Variants in PLXNA1 observed in about 807,000 individuals in gnomAD.
PLXNA1 encodes plexin-A1.
In PLXNA1, 77 loss-of-function variants were observed where a neutral mutation model predicts 191.7. That is an observed-to-expected ratio of 0.40 (90% CI 0.33 to 0.49). The LOEUF (loss-of-function observed/expected upper bound fraction) is 0.49, where lower values mean the gene tolerates loss of function less well. Ranked by LOEUF, PLXNA1 falls within the 20% of genes least tolerant of loss-of-function variation. The pLI is 0.63. For synonymous variants in PLXNA1, 1,137 were observed against 1,156.4 expected, an observed-to-expected ratio of 0.98 and a Z score of 0.34; for missense variants, 2,110 against 2,660.2, an observed-to-expected ratio of 0.79 and a Z score of 4.55.
Position 127,015,303 on chromosome 3 carries a change from G to T in PLXNA1, c.2997G>T (p.Arg999=). The part of the protein sequence containing the change: ...GSDVAVSVGG[R]PCSFSWRNSR... The stretch of plus-strand genomic sequence containing the variant: ...ATGTGGCTGTGTCGGTCGGTGGCCG[G>T]CCCTGCTCCTTCTCCTGGTACGGGG... Residue 999 remains arginine, a synonymous_variant, in exon 15 of 32, where the codon CGG becomes CGT. Transcript: ENST00000393409. 6.2e-7 allele frequency: 1 copy of T among 1,604,764 alleles called. No homozygotes were observed.
intron 3 of PLXNA1, among the ~76,000 whole-genome samples, chr3:127,001,927 G>A (rs563254750): frequency 5.5e-4 from 84 of 152,362 alleles, no homozygotes; most frequent in South Asian, 2.3e-3. Flanking sequence ...CTGACCCAGA[G>A]CAAAGCAGGG....
At position 127,014,093 on chromosome 3, in the gene PLXNA1, T is replaced by C. The variant is rs750365934; in HGVS notation, c.2387T>C (p.Ile796Thr). Residue 796 changes from isoleucine (I) to threonine (T), a missense_variant, in exon 11 of 32, where the codon ATT becomes ACT. By Grantham distance (89) the Ile-to-Thr change is moderately conservative. Transcript: ENST00000393409. The stretch of plus-strand genomic sequence containing the variant: ...GTCGTGTGGAACGGCAACTTTGTCA[T>C]TGACAACCCACAGAACATCCAGGGT... ...LSVVWNGNFV[I>T]DNPQNIQAHL... 2.5e-6 allele frequency: 4 copies of C among 1,613,900 alleles called. No individual in the cohort carries two copies. Among genetic ancestry groups the C allele is most frequent in the Non-Finnish European group, 2.5e-6 (3 of 1,179,948 alleles).
chr3:127,007,872 G>T lies in PLXNA1; in HGVS notation c.2071G>T (p.Ala691Ser). The change falls in exon 9 of 32, where the codon GCT becomes TCT. Residue 691 changes from alanine to serine, a missense_variant. Physicochemically the swap from Ala to Ser is moderately conservative, Grantham distance 99. Coordinates refer to ENST00000393409, the MANE Select transcript of PLXNA1 (RefSeq NM_032242.4). ...KYRHVCTHNV[A>S]DCAFLEGRVN... is the part of the protein sequence containing the mutation. ...CCGCCACGTGTGCACACACAACGTGGCTGACTGCGCCTTCCTGGAGGGCCG... is the reference window on the plus strand; with the variant it reads ...CCGCCACGTGTGCACACACAACGTGTCTGACTGCGCCTTCCTGGAGGGCCG... 6.2e-7 allele frequency: 1 copy of T among 1,612,406 alleles called. No homozygotes were observed. Among genetic ancestry groups the T allele is most frequent in the Non-Finnish European group, 8.5e-7 (1 of 1,179,182 alleles).
At chr3:127,015,383 G>A in intron 15 of PLXNA1, 63 bp downstream of exon 15, 1 of 1,549,904 alleles carries the variant, frequency 6.5e-7, no homozygotes, top group Non-Finnish European at 8.7e-7. Flanking sequence ...ATGGTTGCAT[G>A]CCCCTTCTTG....
chr3:127,016,216 G>T (rs778242918), intron 15 of PLXNA1, among the ~76,000 whole-genome samples: 43 of 152,014 alleles, frequency 2.8e-4, no homozygotes, highest in Non-Finnish European at 5.9e-4. Context: ...CCTGGCCAGG[G>T]TCACCAGGAG....
intron 10 of PLXNA1, among the ~76,000 whole-genome samples, chr3:127,013,419 C>G (rs1294465395): frequency 6.6e-6 from 1 of 152,236 alleles, no homozygotes; most frequent in African/African-American, 2.4e-5. Context: ...CCTGCACCGT[C>G]CCAGCACGGG....
At chr3:127,010,551 G>A (rs1242411755) in intron 9 of PLXNA1, among the ~76,000 whole-genome samples, 1 of 152,230 alleles carries the variant, frequency 6.6e-6, no homozygotes, top group African/African-American at 2.4e-5. Flanking sequence ...ACCTGGCAGA[G>A]GGCAGGGGTG....
At chr3:127,022,694 C>G in intron 22 of PLXNA1, 58 bp from the exon 23 acceptor site, 1 of 1,481,740 alleles carries the variant, frequency 6.7e-7, no homozygotes, top group Non-Finnish European at 9.4e-7. Context: ...CTGCAGGGGC[C>G]CTGTGCCTGC....
chr3:126,997,856 A>G (rs1030351281), intron 3 of PLXNA1, among the ~76,000 whole-genome samples: 8 of 152,208 alleles, frequency 5.3e-5, no homozygotes, highest in Non-Finnish European at 1.2e-4. Context: ...CGGGCCCGTC[A>G]ACACCATTGA....
chr3:127,019,385 C>G (rs1270456188), intron 20 of PLXNA1, among the ~76,000 whole-genome samples: 1 of 152,188 alleles, frequency 6.6e-6, no homozygotes, highest in African/African-American at 2.4e-5. Flanking sequence ...TCTTGGGCAG[C>G]CCTGGTGGGA....
rs935001590 is a variant in PLXNA1 at position 127,016,408 on chromosome 3, C to T, written c.3015-109C>T. ...GGTGATAGTATGCAGCCACCCAAGG[C>T]AGTACCTGTGACAGATGGCGCTGTT... is the stretch of plus-strand genomic sequence containing the variant. On this transcript the variant is annotated intron_variant, in intron 15 of 31. Coordinates refer to ENST00000393409, the MANE Select transcript of PLXNA1 (RefSeq NM_032242.4). 1.1e-4 allele frequency: 99 copies of T among 931,866 alleles called. 1 individual carries two copies. Among genetic ancestry groups the T allele is most frequent in the Non-Finnish European group, 1.5e-4 (88 of 594,350 alleles). The allele number at this position is 931,866 out of a possible 1,614,324, so 57.7% of individuals were successfully genotyped here. A position where few individuals can be genotyped will look rare whatever the true frequency, so the allele number is the denominator to read the frequency against.
chr3:126,988,289 C>T (rs535688730), intron 1 of PLXNA1, among the ~76,000 whole-genome samples: 4 of 152,332 alleles, frequency 2.6e-5, no homozygotes, highest in Admixed American at 6.5e-5. Context: ...CAGGTGCCAA[C>T]GGAGTGACCT....
At chr3:127,003,587 G>C in intron 4 of PLXNA1, 117 bp downstream of exon 4, 2 of 1,212,186 alleles carry the variant, frequency 1.6e-6, no homozygotes, top group Non-Finnish European at 2.2e-6. Context: ...CATGGCTCCT[G>C]GTAAAAGTAG....
chr3:127,022,942 C>G (rs2079159019), intron 23 of PLXNA1, 124 bp downstream of exon 23: 2 of 874,190 alleles, frequency 2.3e-6, no homozygotes, highest in Non-Finnish European at 3.7e-6. Flanking sequence ...TGGTCGAGTT[C>G]TGGCTTGGGC....
intron 23 of PLXNA1, among the ~76,000 whole-genome samples, chr3:127,023,770 G>A (rs1440343371): frequency 2.6e-5 from 4 of 152,156 alleles, no homozygotes; most frequent in Admixed American, 6.5e-5. Flanking sequence ...GACACTGGAC[G>A]GGAAATACAG....
rs1432163450 is a variant in PLXNA1, at chr3:127,016,393, T to C, written c.3015-124T>C. 7 of 811,810 alleles carry C rather than the reference T, an allele frequency of 8.6e-6. No individual in the cohort carries two copies. In the Admixed American group the frequency reaches 1.4e-4, roughly 17 times the overall value. The allele number at this position is 811,810 out of a possible 1,614,324, so 50.3% of individuals were successfully genotyped here. On this transcript the variant is annotated intron_variant, in intron 15 of 31. Coordinates refer to ENST00000393409, the MANE Select transcript of PLXNA1 (RefSeq NM_032242.4). Reference sequence around the variant, plus strand: ...GGGAGGGAAAGTAGCGGTGATAGTATGCAGCCACCCAAGGCAGTACCTGTG... The same window carrying C: ...GGGAGGGAAAGTAGCGGTGATAGTACGCAGCCACCCAAGGCAGTACCTGTG...
At chr3:127,002,739 G>C (rs2079046959) in intron 3 of PLXNA1, among the ~76,000 whole-genome samples, 1 of 152,246 alleles carries the variant, frequency 6.6e-6, no homozygotes, top group African/African-American at 2.4e-5. Flanking sequence ...AGCATCGTGA[G>C]CTGCGGAGAA....
At chr3:127,025,166 C>T (rs565478736) in intron 23 of PLXNA1, among the ~76,000 whole-genome samples, 38 of 152,214 alleles carry the variant, frequency 2.5e-4, no homozygotes, top group African/African-American at 6.5e-4. Flanking sequence ...ATGTATCCAC[C>T]GTTATAGTGT....
At position 127,014,597 on chromosome 3, in the gene PLXNA1, C is replaced by G. The variant is rs776684210; in HGVS notation, c.2724C>G (p.Ser908Arg). The change falls in exon 13 of 32, where the codon AGC becomes AGG. Residue 908 changes from serine (S) to arginine (R), a missense_variant. Physicochemically the swap from Ser to Arg is moderately radical, Grantham distance 110 (BLOSUM62 -1). Transcript: ENST00000393409. ...LGVRVGKVLC[S>R]PVESEYISAE... is the part of the protein sequence containing the mutation. Reference sequence around the variant, plus strand: ...TGCGCGTGGGCAAGGTGCTGTGCAGCCCTGTGGAGAGCGAGTACATCAGTG... The same window carrying G: ...TGCGCGTGGGCAAGGTGCTGTGCAGGCCTGTGGAGAGCGAGTACATCAGTG... The G allele has an allele frequency of 3.1e-6, 5 of 1,613,168 alleles. 1 individual carries two copies. In the South Asian group the frequency reaches 5.5e-5, roughly 18 times the overall value.
Sources: gnomAD v4.1 joint callset for allele counts (sites outside exome capture counted in the v4.1 genomes callset) on GRCh38, gnomAD v4.1.1 for gene constraint, MANE v1.5 for transcripts, NCBI Gene and HGNC (gene_info 2026-07-23, HGNC 2026-07-21) for gene names.